PPP1CB: variants seen among roughly 807,000 people sequenced by gnomAD.
The protein encoded by PPP1CB is protein phosphatase 1 catalytic subunit beta, also known as serine/threonine-protein phosphatase PP1-beta catalytic subunit.
PPP1CB carries 2 observed loss-of-function variants against 43.7 expected under a neutral mutation model. The observed-to-expected ratio is 0.05, with a 90% confidence interval of 0.02 to 0.14. PPP1CB has a LOEUF of 0.14. Among genes scored for constraint, PPP1CB ranks in the 10% least tolerant of loss-of-function variants. PPP1CB has a pLI of 1.00. For synonymous variants in PPP1CB, 136 were observed against 135.6 expected, an observed-to-expected ratio of 1.00 and a Z score of -0.02; for missense variants, 84 against 398.0, an observed-to-expected ratio of 0.21 and a Z score of 6.71.
At chr2:28,761,519 T>C (rs1343493702) in intron 1 of PPP1CB, among the ~76,000 whole-genome samples, 1 of 152,210 alleles carries the variant, frequency 6.6e-6, no homozygotes, top group Non-Finnish European at 1.5e-5. Context: ...TTAGCCGTCA[T>C]TATTGCTTAG....
At chr2:28,774,966 C>T (rs1667001407) in intron 1 of PPP1CB, among the ~76,000 whole-genome samples, 1 of 151,908 alleles carries the variant, frequency 6.6e-6, no homozygotes, top group Non-Finnish European at 1.5e-5. Context: ...TTGTCTGTGT[C>T]TCCTGTTTAT....
At chr2:28,793,603 C>G (rs991980560) in intron 6 of PPP1CB, among the ~76,000 whole-genome samples, 4 of 152,182 alleles carry the variant, frequency 2.6e-5, no homozygotes, top group African/African-American at 9.7e-5. Flanking sequence ...GGGAGCCTTG[C>G]AAATGGCATG....
At chr2:28,798,998 G>A (rs546015016) in intron 7 of PPP1CB, among the ~76,000 whole-genome samples, 2 of 151,978 alleles carry the variant, frequency 1.3e-5, no homozygotes, top group Non-Finnish European at 1.5e-5. Flanking sequence ...TAGAGTTAGT[G>A]TACTTTTGTT....
At chr2:28,771,050 C>A (rs1271987511) in intron 1 of PPP1CB, among the ~76,000 whole-genome samples, 7 of 96,374 alleles carry the variant, frequency 7.3e-5, no homozygotes, top group Admixed American at 4.5e-4. Flanking sequence ...TCCCCCCCCC[C>A]CACCCTTTTT....
At chr2:28,784,917 C>CAAAAAA (rs869155670) in intron 5 of PPP1CB, among the ~76,000 whole-genome samples, 1 of 79,110 alleles carries the variant, frequency 1.3e-5, no homozygotes, top group Non-Finnish European at 2.3e-5. Context: ...GAAACTGTCT[C>CAAAAAA]AAAAAAAAAA....
chr2:28,777,537 T>C (rs964971245), intron 2 of PPP1CB, among the ~76,000 whole-genome samples: 1 of 152,264 alleles, frequency 6.6e-6, no homozygotes, highest in African/African-American at 2.4e-5. Flanking sequence ...TTTTGAAGAT[T>C]ATACTACTTT....
At chr2:28,770,771 G>C (rs1306278379) in intron 1 of PPP1CB, among the ~76,000 whole-genome samples, 2 of 124,654 alleles carry the variant, frequency 1.6e-5, no homozygotes, top group Non-Finnish European at 3.7e-5. Context: ...ATAATTTCAG[G>C]ATATATATGC....
At chr2:28,770,459 T>C (rs1336764040) in intron 1 of PPP1CB, among the ~76,000 whole-genome samples, 1 of 147,252 alleles carries the variant, frequency 6.8e-6, no homozygotes, top group Non-Finnish European at 1.5e-5. Flanking sequence ...GCTATATTTA[T>C]GTTGGAAAAA....
At chr2:28,753,722 C>T (rs1050605108) in intron 1 of PPP1CB, among the ~76,000 whole-genome samples, 2 of 151,958 alleles carry the variant, frequency 1.3e-5, no homozygotes, top group Non-Finnish European at 2.9e-5. Flanking sequence ...AGGCCTACTC[C>T]TTTTTATTTT....
upstream of PPP1CB, chr2:28,751,646 C>A: frequency 5.6e-6 from 1 of 179,422 alleles, no homozygotes. Flanking sequence ...GACGCACCTG[C>A]GCGAAGACGG....
chr2:28,756,697 A>G (rs1390341299), intron 1 of PPP1CB, among the ~76,000 whole-genome samples: 1 of 152,146 alleles, frequency 6.6e-6, no homozygotes, highest in African/African-American at 2.4e-5. Flanking sequence ...TTGGTTGCCC[A>G]GTCTGGTCTT....
At chr2:28,792,371 A>G (rs190798319) in intron 6 of PPP1CB, among the ~76,000 whole-genome samples, 1 of 152,200 alleles carries the variant, frequency 6.6e-6, no homozygotes, top group East Asian at 1.9e-4. Context: ...ATACAAAAAA[A>G]TTAGCCAGGC....
intron 5 of PPP1CB, among the ~76,000 whole-genome samples, chr2:28,788,333 G>A (rs1239957318): frequency 6.6e-6 from 1 of 152,132 alleles, no homozygotes; most frequent in African/African-American, 2.4e-5. Flanking sequence ...TGGGTTGTTT[G>A]GTTATTCATA....
At chr2:28,784,562 A>G (rs1264271055) in intron 5 of PPP1CB, among the ~76,000 whole-genome samples, 2 of 152,094 alleles carry the variant, frequency 1.3e-5, no homozygotes, top group Non-Finnish European at 2.9e-5. Flanking sequence ...CCTGGCTTAA[A>G]TTTTTAGAGC....
chr2:28,765,308 T>C (rs190524326), intron 1 of PPP1CB, among the ~76,000 whole-genome samples: 34 of 152,352 alleles, frequency 2.2e-4, no homozygotes, highest in Admixed American at 1.9e-3. Context: ...TGAGATTCTA[T>C]GTATTTCATC....
In PPP1CB at chr2:28,794,011, A is replaced by G. The variant is rs769237292; in HGVS notation, c.879+14A>G. ...TGTTCATTTCAGGTATGATGTAAAC[A>G]TAAATATATAAGAACTAGAAATCTA... On this transcript the variant is annotated intron_variant, in intron 7 of 7. Transcript: ENST00000395366. The G allele has an allele frequency of 1.9e-6, 3 of 1,583,122 alleles. No homozygotes were observed. Among genetic ancestry groups the G allele is most frequent in the East Asian group, 2.2e-5 (1 of 44,544 alleles).
chr2:28,787,845 G>A (rs1472236890), intron 5 of PPP1CB, among the ~76,000 whole-genome samples: 1 of 152,044 alleles, frequency 6.6e-6, no homozygotes, highest in Non-Finnish European at 1.5e-5. Context: ...GTATTCCTAA[G>A]GTGGTCTGAG....
At position 28,781,781 on chromosome 2, in the gene PPP1CB, T is replaced by C. The variant is rs1667161974; in HGVS notation, c.459T>C (p.Asp153=). The part of the protein sequence containing the change: ...FNIKLWKTFT[D]CFNCLPIAAI... Reference sequence around the variant, plus strand: ...TTAAATTGTGGAAGACCTTCACTGATTGTTTTAACTGTCTGCCTATAGCAG... The same window carrying C: ...TTAAATTGTGGAAGACCTTCACTGACTGTTTTAACTGTCTGCCTATAGCAG... The change falls in exon 4 of 8, where the codon GAT becomes GAC. Residue 153 remains aspartate, a synonymous_variant. Coordinates refer to ENST00000395366, the MANE Select transcript of PPP1CB (RefSeq NM_002709.3). 2.0e-5 allele frequency: 33 copies of C among 1,611,544 alleles called. No individual in the cohort carries two copies. The highest frequency in any genetic ancestry group is 2.7e-5 in the Non-Finnish European group (32 of 1,178,894).
intron 3 of PPP1CB, among the ~76,000 whole-genome samples, chr2:28,779,785 C>T (rs1490743734): frequency 2.0e-5 from 3 of 152,096 alleles, no homozygotes; most frequent in Non-Finnish European, 4.4e-5. Context: ...TATTCAAACT[C>T]ATATCTCCTT....
Sources: gnomAD v4.1 joint callset for allele counts (sites outside exome capture counted in the v4.1 genomes callset) on GRCh38, gnomAD v4.1.1 for gene constraint, MANE v1.5 for transcripts, NCBI Gene and HGNC (gene_info 2026-07-23, HGNC 2026-07-21) for gene names.